KYNU: variants seen among roughly 807,000 people sequenced by gnomAD.
KYNU encodes the protein L-kynurenine hydrolase.
A neutral mutation model predicts 59.2 loss-of-function variants in KYNU; 54 were observed. The ratio of observed to expected loss-of-function variants is 0.91; its 90% CI spans 0.73 to 1.14. KYNU has a LOEUF of 1.14. Among genes scored for constraint, KYNU ranks in the 50% most tolerant of loss-of-function variants. The pLI is 0.00. For synonymous variants in KYNU, 177 were observed against 192.0 expected, an observed-to-expected ratio of 0.92 and a Z score of 0.65; for missense variants, 567 against 554.4, an observed-to-expected ratio of 1.02 and a Z score of -0.23.
chr2:142,908,783 C>T (rs1682383371), intron 2 of KYNU, among the ~76,000 whole-genome samples: 1 of 152,084 alleles, frequency 6.6e-6, no homozygotes, highest in African/African-American at 2.4e-5. Flanking sequence ...CACATGCGCC[C>T]ACCACCACGC....
intron 10 of KYNU, among the ~76,000 whole-genome samples, chr2:143,016,908 G>A (rs1395719973): frequency 6.6e-6 from 1 of 152,046 alleles, no homozygotes; most frequent in Non-Finnish European, 1.5e-5. Flanking sequence ...CCTCGCTTTA[G>A]TAGTCCGCAG....
chr2:143,031,649 G>A (rs1345351591), intron 11 of KYNU, among the ~76,000 whole-genome samples: 1 of 152,034 alleles, frequency 6.6e-6, no homozygotes, highest in Non-Finnish European at 1.5e-5. Flanking sequence ...ACCTGAGCCC[G>A]GGGAGGTCAA....
intron 1 of KYNU, among the ~76,000 whole-genome samples, chr2:142,884,343 A>G (rs1000918730): frequency 2.6e-5 from 4 of 152,226 alleles, no homozygotes; most frequent in African/African-American, 9.6e-5. Flanking sequence ...CACTCACAAA[A>G]AAGGATTTTG....
At chr2:142,969,339 T>C (rs1424681308) in intron 8 of KYNU, among the ~76,000 whole-genome samples, 1 of 152,172 alleles carries the variant, frequency 6.6e-6, no homozygotes, top group African/African-American at 2.4e-5. Context: ...TATTTTGATG[T>C]AGGGGAAAAT....
chr2:143,037,740 T>A (rs941294495), intron 12 of KYNU, among the ~76,000 whole-genome samples: 1 of 152,130 alleles, frequency 6.6e-6, no homozygotes, highest in Non-Finnish European at 1.5e-5. Context: ...TTTTCTAATT[T>A]AAAAAAATTA....
chr2:143,033,349 A>G lies in KYNU; in HGVS notation c.1041+28A>G, dbSNP rs765859628. The G allele has an allele frequency of 4.0e-6, 6 of 1,512,202 alleles. No homozygotes were observed. In the African/African-American group the frequency reaches 8.2e-5, roughly 21 times the overall value. The allele number at this position is 1,512,202 out of a possible 1,614,324, so 93.7% of individuals were successfully genotyped here. On this transcript the variant is annotated intron_variant, in intron 12 of 13. Transcript: ENST00000264170. ...AAGTGATGTGTGTTTCAACCTTCCC[A>G]CATCTTTGCGTTTTTTCTTGATCTG...
intron 2 of KYNU, among the ~76,000 whole-genome samples, chr2:142,905,205 T>G (rs892028072): frequency 2.1e-5 from 3 of 144,632 alleles, no homozygotes; most frequent in African/African-American, 7.9e-5. Flanking sequence ...GGGTACGAAA[T>G]ATGAGAGAGG....
At chr2:142,949,338 G>A (rs1328466446) in intron 4 of KYNU, among the ~76,000 whole-genome samples, 2 of 152,348 alleles carry the variant, frequency 1.3e-5, no homozygotes, top group East Asian at 3.9e-4. Flanking sequence ...TAGGTACACT[G>A]TGTGGGGGCT....
At chr2:142,899,104 G>A (rs978871689) in intron 2 of KYNU, among the ~76,000 whole-genome samples, 6 of 152,082 alleles carry the variant, frequency 3.9e-5, no homozygotes, top group African/African-American at 7.2e-5. Context: ...GGCAAACAGC[G>A]GTGGTGGACA....
At chr2:143,007,242 G>A (rs1306693028) in intron 10 of KYNU, among the ~76,000 whole-genome samples, 3 of 149,850 alleles carry the variant, frequency 2.0e-5, no homozygotes, top group Non-Finnish European at 2.9e-5. Context: ...ACCAAGGCTC[G>A]AGAACTACAT....
intron 3 of KYNU, among the ~76,000 whole-genome samples, chr2:142,921,203 A>C (rs1271676869): frequency 6.6e-6 from 1 of 152,084 alleles, no homozygotes; most frequent in African/African-American, 2.4e-5. Flanking sequence ...AAAATATGAA[A>C]GTTTCTATTG....
At chr2:142,980,344 T>C (rs1340968033) in intron 8 of KYNU, among the ~76,000 whole-genome samples, 1 of 151,146 alleles carries the variant, frequency 6.6e-6, no homozygotes, top group African/African-American at 2.4e-5. Context: ...ACTCAACCAG[T>C]TTTATCAGCA....
chr2:142,935,944 G>A (rs988621614), intron 4 of KYNU, among the ~76,000 whole-genome samples: 9 of 152,268 alleles, frequency 5.9e-5, no homozygotes, highest in Non-Finnish European at 1.0e-4. Flanking sequence ...CTGATGGGAC[G>A]GTGTAGGAAA....
Position 142,918,730 on chromosome 2 carries a change from G to C in KYNU, c.290+1G>C. ...AAGAACTAGATAAGTGGGCCAAAAT[G>C]TAAGTATTATTTTAAAAGCTACTAC... is the stretch of plus-strand genomic sequence containing the variant. On this transcript the variant is annotated splice_donor_variant, in intron 3 of 13. Coordinates refer to ENST00000264170, the MANE Select transcript of KYNU (RefSeq NM_003937.3). LOFTEE classifies it high-confidence loss of function. 2 of 1,610,280 alleles carry C rather than the reference G, an allele frequency of 1.2e-6. No individual in the cohort carries two copies. The highest frequency in any genetic ancestry group is 1.3e-5 in the African/African-American group (1 of 74,918).
intron 1 of KYNU, among the ~76,000 whole-genome samples, chr2:142,882,768 T>C (rs1681347671): frequency 6.6e-6 from 1 of 152,230 alleles, no homozygotes; most frequent in African/African-American, 2.4e-5. Context: ...TTTGCTATTG[T>C]GAATAGTGCT....
At chr2:142,906,069 C>T (rs115236198) in intron 2 of KYNU, among the ~76,000 whole-genome samples, 1 of 150,782 alleles carries the variant, frequency 6.6e-6, no homozygotes, top group Non-Finnish European at 1.5e-5. Context: ...CTCTTTCTCT[C>T]CTCTCTGTCT....
At chr2:142,897,116 G>C (rs1288578637) in intron 2 of KYNU, among the ~76,000 whole-genome samples, 3 of 152,074 alleles carry the variant, frequency 2.0e-5, no homozygotes, top group Non-Finnish European at 4.4e-5. Flanking sequence ...TTGTATTGTG[G>C]TTAGAAAACA....
chr2:142,901,608 T>C (rs1368052711), intron 2 of KYNU, among the ~76,000 whole-genome samples: 1 of 152,196 alleles, frequency 6.6e-6, no homozygotes, highest in Admixed American at 6.5e-5. Context: ...CCTCAGAAGT[T>C]AGGAATTCCC....
At chr2:143,025,744 G>A (rs1462273686) in intron 10 of KYNU, among the ~76,000 whole-genome samples, 2 of 151,864 alleles carry the variant, frequency 1.3e-5, no homozygotes, top group Middle Eastern at 3.2e-3. Flanking sequence ...ATCAATATAG[G>A]CAGAAGAACC....
Sources: gnomAD v4.1 joint callset for allele counts (sites outside exome capture counted in the v4.1 genomes callset) on GRCh38, gnomAD v4.1.1 for gene constraint, MANE v1.5 for transcripts, NCBI Gene and HGNC (gene_info 2026-07-23, HGNC 2026-07-21) for gene names.